The following RGS6 variants were observed in gnomAD, a reference collection of about 807,000 sequenced individuals.
RGS6 encodes the protein regulator of G protein signaling 6.
In RGS6, 30 loss-of-function variants were observed where a neutral mutation model predicts 78.5. The ratio of observed to expected loss-of-function variants is 0.38; its 90% CI spans 0.29 to 0.52. The LOEUF (loss-of-function observed/expected upper bound fraction) is 0.52. Ranked by LOEUF, RGS6 falls within the 20% of genes least tolerant of loss-of-function variation. RGS6 has a pLI of 0.85. For synonymous variants in RGS6, 206 were observed against 206.0 expected (o/e 1.00, Z 0.00); for missense variants, 495 against 609.7 (o/e 0.81, Z 1.98).
chr14:71,936,786 A>G (rs912096629), intron 1 of RGS6, among the ~76,000 whole-genome samples: 1 of 152,234 alleles, frequency 6.6e-6, no homozygotes, highest in African/African-American at 2.4e-5. Flanking sequence ...ATACACAAAC[A>G]TGTTTTTAAC....
intron 2 of RGS6, among the ~76,000 whole-genome samples, chr14:72,118,267 A>G (rs1227549985): frequency 6.6e-6 from 1 of 152,048 alleles, no homozygotes; most frequent in Non-Finnish European, 1.5e-5. Context: ...CGGCTAAAAT[A>G]CCCTCCTGTC....
At chr14:71,958,392 T>C (rs1189031861) in intron 1 of RGS6, among the ~76,000 whole-genome samples, 1 of 152,230 alleles carries the variant, frequency 6.6e-6, no homozygotes, top group Non-Finnish European at 1.5e-5. Flanking sequence ...GTGGGAATAA[T>C]AACATCCACC....
At chr14:72,159,085 T>C (rs116289057) in intron 2 of RGS6, among the ~76,000 whole-genome samples, 87 of 152,362 alleles carry the variant, frequency 5.7e-4, no homozygotes, top group African/African-American at 2.1e-3. Flanking sequence ...GCTGCTATTG[T>C]TGTTGTTAAA....
intron 2 of RGS6, among the ~76,000 whole-genome samples, chr14:72,131,803 C>T (rs2096324275): frequency 6.6e-6 from 1 of 152,182 alleles, no homozygotes. Context: ...TCTCAATATA[C>T]ATTAAAGAAA....
intron 2 of RGS6, among the ~76,000 whole-genome samples, chr14:72,196,256 C>T (rs2040113407): frequency 6.6e-6 from 1 of 152,102 alleles, no homozygotes; most frequent in South Asian, 2.1e-4. Context: ...GGATGGAGCC[C>T]ACTGTGGGTT....
intron 15 of RGS6, among the ~76,000 whole-genome samples, chr14:72,527,310 GC>G (rs1448897588): frequency 2.6e-5 from 4 of 152,222 alleles, no homozygotes; most frequent in Non-Finnish European, 4.4e-5. Context: ...TTTTGTCTCA[GC>G]CAACCAGTAC....
At chr14:72,386,245 A>C (rs1320321552) in intron 3 of RGS6, among the ~76,000 whole-genome samples, 1 of 152,132 alleles carries the variant, frequency 6.6e-6, no homozygotes, top group Admixed American at 6.5e-5. Context: ...AATACTAAAT[A>C]CTATTTGGGG....
At chr14:71,989,231 A>T (rs2094850723) in intron 2 of RGS6, among the ~76,000 whole-genome samples, 1 of 152,262 alleles carries the variant, frequency 6.6e-6, no homozygotes, top group South Asian at 2.1e-4. Flanking sequence ...TACACTGGGT[A>T]AACCCATGCC....
At chr14:72,082,886 A>G (rs1051893433) in intron 2 of RGS6, among the ~76,000 whole-genome samples, 4 of 152,082 alleles carry the variant, frequency 2.6e-5, no homozygotes, top group Non-Finnish European at 5.9e-5. Flanking sequence ...GTTACAAAAA[A>G]CCCCAACTCA....
At chr14:72,271,634 A>G (rs1228408200) in intron 2 of RGS6, among the ~76,000 whole-genome samples, 1 of 152,260 alleles carries the variant, frequency 6.6e-6, no homozygotes, top group Non-Finnish European at 1.5e-5. Flanking sequence ...GTGAGCAGTC[A>G]TTCCAACTCT....
At chr14:72,207,095 T>C (rs1432962601) in intron 2 of RGS6, among the ~76,000 whole-genome samples, 1 of 152,200 alleles carries the variant, frequency 6.6e-6, no homozygotes, top group African/African-American at 2.4e-5. Flanking sequence ...ACATAACATA[T>C]TTATTTTTAA....
At chr14:72,504,651 T>C (rs995300783) in intron 13 of RGS6, among the ~76,000 whole-genome samples, 6 of 152,114 alleles carry the variant, frequency 3.9e-5, no homozygotes, top group South Asian at 2.1e-4. Context: ...CTCTTTACTT[T>C]CTGAGCCCTC....
chr14:72,377,617 G>A (rs754549744), intron 3 of RGS6, among the ~76,000 whole-genome samples: 5 of 152,080 alleles, frequency 3.3e-5, no homozygotes, highest in Non-Finnish European at 7.4e-5. Flanking sequence ...TCATCAGCAC[G>A]TGGAACATTC....
At chr14:72,458,986 A>T (rs937817668) in intron 5 of RGS6, among the ~76,000 whole-genome samples, 2 of 152,196 alleles carry the variant, frequency 1.3e-5, no homozygotes, top group Non-Finnish European at 1.5e-5. Context: ...AGCACACTTT[A>T]GGGGGTAAAT....
chr14:72,512,822 C>G (rs1001724950), intron 14 of RGS6, among the ~76,000 whole-genome samples: 1 of 152,240 alleles, frequency 6.6e-6, no homozygotes, highest in Non-Finnish European at 1.5e-5. Context: ...GCGTTCATCC[C>G]TTCAGCTGCA....
chr14:72,183,511 T>C (rs916272255), intron 2 of RGS6, among the ~76,000 whole-genome samples: 4 of 152,224 alleles, frequency 2.6e-5, no homozygotes, highest in African/African-American at 9.6e-5. Flanking sequence ...GGTTTGATCA[T>C]TGACTCACTG....
chr14:72,100,361 G>A (rs886718697), intron 2 of RGS6, among the ~76,000 whole-genome samples: 2 of 152,032 alleles, frequency 1.3e-5, no homozygotes, highest in African/African-American at 4.8e-5. Flanking sequence ...TAGGCGTGGT[G>A]GTGCACACCT....
At chr14:72,049,956 A>G (rs908883629) in intron 2 of RGS6, among the ~76,000 whole-genome samples, 3 of 152,238 alleles carry the variant, frequency 2.0e-5, no homozygotes, top group African/African-American at 7.2e-5. Context: ...ATAGCTGTAC[A>G]CTAGACTTAA....
At chr14:72,590,479 A>C in the RGS6 span, among the ~76,000 whole-genome samples, 1 of 152,166 alleles carries the variant, frequency 6.6e-6, no homozygotes, top group African/African-American at 2.4e-5. Context: ...AACAACCTAG[A>C]AGAATCTCAA....
Sources: gnomAD v4.1 joint callset for allele counts (sites outside exome capture counted in the v4.1 genomes callset) on GRCh38, gnomAD v4.1.1 for gene constraint, MANE v1.5 for transcripts, NCBI Gene and HGNC (gene_info 2026-07-23, HGNC 2026-07-21) for gene names.